AR: variants seen among roughly 807,000 people sequenced by gnomAD.
AR encodes dihydrotestosterone receptor.
Under a neutral mutation model 53.9 loss-of-function variants are expected in AR, and 8 were observed. The observed-to-expected ratio is 0.15, with a 90% CI of 0.09 to 0.27. The LOEUF (loss-of-function observed/expected upper bound fraction) is 0.27. Among genes scored for constraint, AR ranks in the 10% least tolerant of loss-of-function variants. AR has a pLI of 1.00. For missense variants in AR, 639 were observed against 742.5 expected (o/e 0.86, Z 1.62); for synonymous variants, 359 against 316.4 (o/e 1.13, Z -1.43).
At position 67,596,240 on chromosome X, in the gene AR, CT is replaced by C. The variant is rs200611811; in HGVS notation, c.1617-47002del. On this transcript the variant is annotated intron_variant, in intron 1 of 7. Coordinates refer to ENST00000374690, the MANE Select transcript of AR (RefSeq NM_000044.6). Reference sequence around the variant, plus strand: ...GCAAAGCCATGAGCCAATTAAACCTCTTTTTTTTTTTTTTATAAATTACCCA... The same window carrying C: ...GCAAAGCCATGAGCCAATTAAACCTCTTTTTTTTTTTTTATAAATTACCCA... Among the ~76,000 whole-genome samples the C allele has an allele frequency of 5.5e-3, 554 of 100,750 alleles. 1 individual carries two copies. The highest frequency in any genetic ancestry group is 7.9e-3 in the Non-Finnish European group (388 of 49,198). The allele number at this position is 100,750 out of a possible 115,157, so 87.5% of individuals were successfully genotyped here. A position where few individuals can be genotyped will look rare whatever the true frequency, so the allele number is the denominator to read the frequency against.
intron 1 of AR, among the ~76,000 whole-genome samples, chrX:67,634,125 T>A (rs892925290): frequency 9.0e-6 from 1 of 111,366 alleles, no homozygotes; most frequent in African/African-American, 3.3e-5. Flanking sequence ...TTTAGAATAG[T>A]GGGAAAATAT....
chrX:67,582,382 A>G (rs1922335278), intron 1 of AR, among the ~76,000 whole-genome samples: 1 of 111,929 alleles, frequency 8.9e-6, no homozygotes, highest in African/African-American at 3.2e-5. Context: ...TGGCATCTCC[A>G]GAGCCCTGGG....
chrX:67,717,944 C>T (rs2076120456), intron 5 of AR, among the ~76,000 whole-genome samples: 1 of 112,499 alleles, frequency 8.9e-6, no homozygotes. Context: ...GGCAGAAAGA[C>T]TCTGGCTTTA....
intron 1 of AR, chrX:67,569,162 A>C: frequency 3.0e-6 from 1 of 330,041 alleles, no homozygotes; most frequent in Non-Finnish European, 4.8e-6. Flanking sequence ...ATATCTTAGC[A>C]TGTTGACTAA....
intron 3 of AR, among the ~76,000 whole-genome samples, chrX:67,702,212 C>T (rs1337306586): frequency 1.8e-5 from 2 of 111,471 alleles, no homozygotes; most frequent in African/African-American, 6.5e-5. Context: ...TGAAGCGAGG[C>T]ACGCAGAAGG....
chrX:67,708,376 G>A (rs747358572), intron 3 of AR, among the ~76,000 whole-genome samples: 3 of 110,682 alleles, frequency 2.7e-5, no homozygotes, highest in South Asian at 3.8e-4. Context: ...TTCTCTTCTC[G>A]CTTCATTTCA....
intron 1 of AR, among the ~76,000 whole-genome samples, chrX:67,601,312 G>A (rs762537755): frequency 8.9e-6 from 1 of 111,758 alleles, no homozygotes; most frequent in South Asian, 3.7e-4. Flanking sequence ...CATAAACTGG[G>A]GAATAAAAGT....
chrX:67,646,935 C>T (rs553039390), intron 2 of AR, among the ~76,000 whole-genome samples: 1 of 111,109 alleles, frequency 9.0e-6, no homozygotes, highest in African/African-American at 3.3e-5. Context: ...ATAGAGCCAG[C>T]TGAGAGAGTG....
At chrX:67,572,781 G>A (rs1156523818) in intron 1 of AR, among the ~76,000 whole-genome samples, 1 of 111,186 alleles carries the variant, frequency 9.0e-6, no homozygotes, top group East Asian at 2.9e-4. Context: ...CTGTGTATTT[G>A]GCTAGTTCAA....
chrX:67,663,294 T>A (rs1927050808), intron 2 of AR, among the ~76,000 whole-genome samples: 1 of 112,247 alleles, frequency 8.9e-6, no homozygotes, highest in African/African-American at 3.2e-5. Context: ...AGTGCTTCCT[T>A]CAGGAGCTCC....
rs185910277 is a variant in AR at position 67,632,013 on chromosome X, C to T, written c.1617-11243C>T. The stretch of plus-strand genomic sequence containing the variant: ...CTGCCCATTCTCAGATCTCCAGCTG[C>T]GTGCTGGGAGAACCACTGCTCTCTT... On this transcript the variant is annotated intron_variant, in intron 1 of 7. Coordinates refer to ENST00000374690, the MANE Select transcript of AR (RefSeq NM_000044.6). 9.7e-3 allele frequency among the ~76,000 whole-genome samples: 930 copies of T among 96,048 alleles called. 5 individuals are homozygous for T. Among genetic ancestry groups the T allele is most frequent in the Non-Finnish European group, 0.014 (656 of 47,147 alleles). The allele number at this position is 96,048 out of a possible 115,157, so 83.4% of individuals were successfully genotyped here. A position where few individuals can be genotyped will look rare whatever the true frequency, so the allele number is the denominator to read the frequency against.
chrX:67,553,448 T>G (rs1930070213), intron 1 of AR, among the ~76,000 whole-genome samples: 1 of 112,089 alleles, frequency 8.9e-6, no homozygotes, highest in Admixed American at 9.5e-5. Flanking sequence ...TTATCTTGAT[T>G]ATTGTAGGTT....
At chrX:67,595,976 T>C (rs184675987) in intron 1 of AR, among the ~76,000 whole-genome samples, 27 of 110,350 alleles carry the variant, frequency 2.4e-4, no homozygotes, top group African/African-American at 8.9e-4. Context: ...TGGAGGGAGG[T>C]GATTGGATCA....
chrX:67,663,263 C>A (rs368276829), intron 2 of AR, among the ~76,000 whole-genome samples: 1 of 111,927 alleles, frequency 8.9e-6, no homozygotes, highest in East Asian at 2.8e-4. Context: ...TGGCTGGTAC[C>A]GGTTGTTCCT....
chrX:67,664,174 C>T (rs1927120592), intron 2 of AR, among the ~76,000 whole-genome samples: 5 of 112,165 alleles, frequency 4.5e-5, no homozygotes, highest in Non-Finnish European at 3.8e-5. Flanking sequence ...GAGCTGCATT[C>T]CTTTGGAGGA....
intron 1 of AR, among the ~76,000 whole-genome samples, chrX:67,548,366 T>G (rs992732324): frequency 1.8e-5 from 2 of 112,117 alleles, no homozygotes; most frequent in East Asian, 5.6e-4. Context: ...TCTTTTCCAG[T>G]TAATTTAGAC....
chrX:67,711,713 A>G, intron 4 of AR, 24 bp downstream of exon 4: 1 of 1,191,397 alleles, frequency 8.4e-7, no homozygotes, highest in Non-Finnish European at 1.1e-6. Flanking sequence ...AAGTGGGAGC[A>G]TGAGATAAGG....
At chrX:67,598,371 C>T (rs1427786969) in intron 1 of AR, among the ~76,000 whole-genome samples, 1 of 108,486 alleles carries the variant, frequency 9.2e-6, no homozygotes, top group Non-Finnish European at 1.9e-5. Flanking sequence ...CAACCTCCGC[C>T]TCACAGGTTC....
At chrX:67,606,886 G>T (rs1372768193) in intron 1 of AR, among the ~76,000 whole-genome samples, 1 of 112,271 alleles carries the variant, frequency 8.9e-6, no homozygotes, top group Non-Finnish European at 1.9e-5. Context: ...AAAAGGATGG[G>T]CAGAATGTGT....
Sources: gnomAD v4.1 joint callset for allele counts (sites outside exome capture counted in the v4.1 genomes callset) on GRCh38, gnomAD v4.1.1 for gene constraint, MANE v1.5 for transcripts, NCBI Gene and HGNC (gene_info 2026-07-23, HGNC 2026-07-21) for gene names.